KHDRBS2: variants seen among roughly 807,000 people sequenced by gnomAD.
KHDRBS2 encodes the protein KH RNA binding domain containing, signal transduction associated 2, also known as KH domain-containing, RNA-binding, signal transduction-associated protein 2.
KHDRBS2 carries 26 observed loss-of-function variants against 44.3 expected under a neutral mutation model. The ratio of observed to expected loss-of-function variants is 0.59; its 90% CI spans 0.43 to 0.81. The LOEUF (loss-of-function observed/expected upper bound fraction) is 0.81, where lower values mean the gene tolerates loss of function less well. Ranked by LOEUF, KHDRBS2 falls within the 40% of genes least tolerant of loss-of-function variation. The probability of loss-of-function intolerance (pLI) is 0.00; values close to 1 mark genes in which losing one functional copy is unlikely to be tolerated. For missense variants in KHDRBS2, 476 were observed against 433.1 expected (o/e 1.10, Z -0.88); for synonymous variants, 194 against 151.1 (o/e 1.28, Z -2.08).
chr6:62,151,409 C>T (rs1327393868), intron 2 of KHDRBS2, among the ~76,000 whole-genome samples: 2 of 152,060 alleles, frequency 1.3e-5, no homozygotes, highest in Non-Finnish European at 2.9e-5. Flanking sequence ...TCCTGATAAC[C>T]CACTTTTTGA....
intron 2 of KHDRBS2, among the ~76,000 whole-genome samples, chr6:62,131,557 A>T (rs1810324083): frequency 6.6e-6 from 1 of 152,124 alleles, no homozygotes; most frequent in Non-Finnish European, 1.5e-5. Flanking sequence ...CTATGAGAGG[A>T]ACAGTGACAC....
At chr6:61,823,632 T>C (rs771245152) in intron 6 of KHDRBS2, among the ~76,000 whole-genome samples, 1 of 152,094 alleles carries the variant, frequency 6.6e-6, no homozygotes, top group Non-Finnish European at 1.5e-5. Context: ...AGTGAGGTAA[T>C]TGCTTCAAAA....
intron 1 of KHDRBS2, among the ~76,000 whole-genome samples, chr6:62,216,684 T>G (rs1158269321): frequency 7.6e-6 from 1 of 131,388 alleles, no homozygotes; most frequent in Non-Finnish European, 1.6e-5. Context: ...TCTAAACATA[T>G]TTCTTTCTCC....
intron 4 of KHDRBS2, among the ~76,000 whole-genome samples, chr6:61,939,533 A>G (rs1436289271): frequency 6.9e-6 from 1 of 144,022 alleles, no homozygotes; most frequent in Non-Finnish European, 1.6e-5. Flanking sequence ...CTTTTTCTAT[A>G]AATGAACAAT....
chr6:62,241,793 T>C (rs1834723571), intron 1 of KHDRBS2, among the ~76,000 whole-genome samples: 1 of 148,732 alleles, frequency 6.7e-6, no homozygotes, highest in Admixed American at 6.6e-5. Flanking sequence ...TTATCCAGGA[T>C]TCAAGATTTG....
chr6:61,902,494 T>C (rs1377898953), intron 4 of KHDRBS2, among the ~76,000 whole-genome samples: 1 of 146,362 alleles, frequency 6.8e-6, no homozygotes, highest in Non-Finnish European at 1.5e-5. Flanking sequence ...CCTGTTTCTC[T>C]TTTTACTAAT....
intron 1 of KHDRBS2, 139 bp downstream of exon 1, chr6:62,285,719 C>A (rs1842392033): frequency 1.6e-6 from 1 of 614,320 alleles, no homozygotes; most frequent in African/African-American, 1.9e-5. Flanking sequence ...TCCGCCCGAG[C>A]TCTAAGGCGA....
At chr6:61,628,123 C>T in the KHDRBS2 span, among the ~76,000 whole-genome samples, 1 of 151,708 alleles carries the variant, frequency 6.6e-6, no homozygotes, top group Non-Finnish European at 1.5e-5. Flanking sequence ...TTTCTCTTCC[C>T]ACATTGTCAG....
At chr6:61,684,373 G>GCTCTCCCT (rs1412923325) in intron 8 of KHDRBS2, among the ~76,000 whole-genome samples, 1 of 151,860 alleles carries the variant, frequency 6.6e-6, no homozygotes, top group Non-Finnish European at 1.5e-5. Flanking sequence ...CAAACATAGG[G>GCTCTCCCT]AGAGACAAAT....
intron 8 of KHDRBS2, among the ~76,000 whole-genome samples, chr6:61,696,107 G>A (rs1767872210): frequency 6.6e-6 from 1 of 151,780 alleles, no homozygotes; most frequent in African/African-American, 2.4e-5. Context: ...TCAGCCTCTG[G>A]AGTAGCTAGG....
At chr6:61,712,428 G>T (rs907038162) in intron 7 of KHDRBS2, among the ~76,000 whole-genome samples, 9 of 151,798 alleles carry the variant, frequency 5.9e-5, no homozygotes, top group Admixed American at 3.9e-4. Context: ...TGACACATTA[G>T]AGACCAATGT....
chr6:61,619,769 G>A, the KHDRBS2 span, among the ~76,000 whole-genome samples: 3 of 151,992 alleles, frequency 2.0e-5, no homozygotes, highest in African/African-American at 4.8e-5. Context: ...TTTTTTAATG[G>A]CTGAGTAGTA....
chr6:62,109,962 G>A (rs866400236), intron 2 of KHDRBS2, among the ~76,000 whole-genome samples: 1 of 151,710 alleles, frequency 6.6e-6, no homozygotes, highest in Admixed American at 6.6e-5. Flanking sequence ...CATGACTTTG[G>A]GTTAGGAAAA....
At chr6:61,899,143 A>G (rs1260943872) in intron 5 of KHDRBS2, among the ~76,000 whole-genome samples, 6 of 151,938 alleles carry the variant, frequency 3.9e-5, no homozygotes. Flanking sequence ...AAGACCTTAA[A>G]CATTCTTTCC....
chr6:62,109,572 A>G (rs1193181101), intron 2 of KHDRBS2, among the ~76,000 whole-genome samples: 1 of 152,068 alleles, frequency 6.6e-6, no homozygotes. Flanking sequence ...CTACCAATAG[A>G]TAAGTTTGGC....
chr6:61,860,966 A>T (rs1796868173), intron 6 of KHDRBS2, among the ~76,000 whole-genome samples: 1 of 152,046 alleles, frequency 6.6e-6, no homozygotes, highest in Non-Finnish European at 1.5e-5. Context: ...TTCTCTAATG[A>T]TCAGTGATGT....
the KHDRBS2 span, among the ~76,000 whole-genome samples, chr6:61,613,968 A>C: frequency 6.6e-6 from 1 of 152,338 alleles, no homozygotes; most frequent in African/African-American, 2.4e-5. Flanking sequence ...CAGACCAAAA[A>C]TAATAAAGAC....
intron 1 of KHDRBS2, among the ~76,000 whole-genome samples, chr6:62,234,989 A>G (rs1372692752): frequency 6.6e-6 from 1 of 151,950 alleles, no homozygotes; most frequent in Non-Finnish European, 1.5e-5. Context: ...TTCATGATAA[A>G]AAATGAATAA....
the KHDRBS2 span, among the ~76,000 whole-genome samples, chr6:61,615,854 A>G: frequency 6.6e-6 from 1 of 152,212 alleles, no homozygotes; most frequent in Non-Finnish European, 1.5e-5. Context: ...TACATCCTAC[A>G]TGCATTACCT....
Sources: gnomAD v4.1 joint callset for allele counts (sites outside exome capture counted in the v4.1 genomes callset) on GRCh38, gnomAD v4.1.1 for gene constraint, MANE v1.5 for transcripts, NCBI Gene and HGNC (gene_info 2026-07-23, HGNC 2026-07-21) for gene names.